CDH12: variants seen among roughly 807,000 people sequenced by gnomAD.
The protein encoded by CDH12 is cadherin-12.
Under a neutral mutation model 74.1 loss-of-function variants are expected in CDH12, and 41 were observed. That is an observed-to-expected ratio of 0.55 (90% CI 0.43 to 0.72). CDH12 has a LOEUF of 0.72. Ranked by LOEUF, CDH12 falls within the 30% of genes least tolerant of loss-of-function variation. The probability of loss-of-function intolerance (pLI) is 0.00; values close to 1 mark genes in which losing one functional copy is unlikely to be tolerated. For missense variants in CDH12, 945 were observed against 977.2 expected (o/e 0.97, Z 0.44); for synonymous variants, 399 against 355.0 (o/e 1.12, Z -1.39).
intron 3 of CDH12, among the ~76,000 whole-genome samples, chr5:22,255,365 A>G (rs1753274787): frequency 6.6e-6 from 1 of 151,784 alleles, no homozygotes; most frequent in Non-Finnish European, 1.5e-5. Flanking sequence ...ACATACAAAT[A>G]CCTATAATTA....
intron 1 of CDH12, among the ~76,000 whole-genome samples, chr5:22,704,324 G>T (rs1308644540): frequency 1.3e-5 from 2 of 152,056 alleles, no homozygotes; most frequent in African/African-American, 2.4e-5. Flanking sequence ...CCACCATAAA[G>T]TCCTTAAAAT....
At chr5:22,023,557 T>C (rs537235927) in intron 5 of CDH12, among the ~76,000 whole-genome samples, 6 of 151,696 alleles carry the variant, frequency 4.0e-5, no homozygotes, top group East Asian at 3.9e-4. Context: ...TATATATATA[T>C]ACACACGAAT....
At chr5:22,178,224 C>A (rs1334982685) in intron 4 of CDH12, among the ~76,000 whole-genome samples, 3 of 152,102 alleles carry the variant, frequency 2.0e-5, no homozygotes, top group African/African-American at 2.4e-5. Context: ...CAGATTAGAT[C>A]TCAAAGTTAA....
intron 3 of CDH12, among the ~76,000 whole-genome samples, chr5:22,272,798 G>A (rs552498671): frequency 8.5e-5 from 13 of 152,210 alleles, no homozygotes; most frequent in Non-Finnish European, 1.3e-4. Context: ...TGCTGTGTTC[G>A]TCTGTTTTTA....
At chr5:21,990,496 A>T (rs1757697860) in intron 5 of CDH12, among the ~76,000 whole-genome samples, 1 of 151,892 alleles carries the variant, frequency 6.6e-6, no homozygotes, top group South Asian at 2.1e-4. Flanking sequence ...AAATTTGGAG[A>T]ATACTGTAGA....
At chr5:22,238,929 G>T (rs1427004523) in intron 3 of CDH12, among the ~76,000 whole-genome samples, 1 of 152,124 alleles carries the variant, frequency 6.6e-6, no homozygotes, top group Non-Finnish European at 1.5e-5. Flanking sequence ...TTTCTTCTCA[G>T]TATAACTACA....
intron 2 of CDH12, among the ~76,000 whole-genome samples, chr5:22,408,628 A>G (rs1006127167): frequency 1.3e-4 from 19 of 150,650 alleles, no homozygotes; most frequent in African/African-American, 3.1e-4. Flanking sequence ...TTACATATAT[A>G]GTACACATGC....
chr5:21,979,808 G>T (rs1201775552), intron 5 of CDH12, among the ~76,000 whole-genome samples: 1 of 149,982 alleles, frequency 6.7e-6, no homozygotes. Flanking sequence ...TTTTTTACAT[G>T]AGTAAAAAAA....
chr5:22,435,083 T>C (rs1744323428), intron 2 of CDH12, among the ~76,000 whole-genome samples: 1 of 152,128 alleles, frequency 6.6e-6, no homozygotes. Flanking sequence ...TGTGAGGGTG[T>C]TGCCAAAGGA....
rs528620996 is a variant in CDH12, at chr5:22,340,689, T to G, written c.-333+64568A>C. Among the ~76,000 whole-genome samples, 77 of 152,356 alleles carry G rather than the reference T, an allele frequency of 5.1e-4. 1 individual carries two copies. In the South Asian group the frequency reaches 9.1e-3, roughly 18 times the overall value. On this transcript the variant is annotated intron_variant, in intron 3 of 14. Transcript: ENST00000382254. ...ATTACAAGCTGTTTTGAGAAGCTGT[T>G]AAATATTCTATAGACAATAATTCTG...
chr5:22,451,301 A>T (rs1745033784), intron 2 of CDH12, among the ~76,000 whole-genome samples: 1 of 151,942 alleles, frequency 6.6e-6, no homozygotes, highest in African/African-American at 2.4e-5. Context: ...TCTAATTAAA[A>T]CAAGCACATT....
intron 2 of CDH12, among the ~76,000 whole-genome samples, chr5:22,492,338 C>T (rs1001073542): frequency 8.3e-6 from 1 of 121,082 alleles, no homozygotes; most frequent in African/African-American, 3.2e-5. Flanking sequence ...CCTACAGTCT[C>T]CTACTAAAAA....
chr5:22,315,916 T>C (rs1454758882), intron 3 of CDH12, among the ~76,000 whole-genome samples: 1 of 152,118 alleles, frequency 6.6e-6, no homozygotes, highest in Non-Finnish European at 1.5e-5. Flanking sequence ...TTTAATTCTT[T>C]TGCAGACTGC....
chr5:22,465,715 T>A (rs1337831654), intron 2 of CDH12, among the ~76,000 whole-genome samples: 1 of 152,130 alleles, frequency 6.6e-6, no homozygotes, highest in Non-Finnish European at 1.5e-5. Flanking sequence ...CTCCCATAAC[T>A]AAATCCTTTA....
At chr5:22,351,488 G>A (rs931465458) in intron 3 of CDH12, among the ~76,000 whole-genome samples, 1 of 152,184 alleles carries the variant, frequency 6.6e-6, no homozygotes, top group South Asian at 2.1e-4. Flanking sequence ...ATTTGGGGAT[G>A]AGAGGAGTTG....
intron 2 of CDH12, among the ~76,000 whole-genome samples, chr5:22,491,610 C>CAAAAA (rs11446320): frequency 8.3e-6 from 1 of 120,926 alleles, no homozygotes; most frequent in Non-Finnish European, 1.7e-5. Flanking sequence ...AGCTAATGAG[C>CAAAAA]AAAAAAAAAA....
Position 21,842,457 on chromosome 5 carries a change from T to A in CDH12, c.647-129A>T, listed in dbSNP as rs535235915. On this transcript the variant is annotated intron_variant, in intron 7 of 14. Transcript: ENST00000382254. ...CAGAGACATAATAGCTAAAATTGTA[T>A]CTTTTAAAAAGTGAGACATTCAAAA... The A allele has an allele frequency of 1.8e-5, 11 of 614,140 alleles. No individual in the cohort carries two copies. In the East Asian group the frequency reaches 3.3e-4, roughly 19 times the overall value. 38.0% of individuals were successfully genotyped at this position (614,140 alleles called of 1,614,324 possible). A position where few individuals can be genotyped will look rare whatever the true frequency, so the allele number is the denominator to read the frequency against.
chr5:21,797,616 A>G (rs75657375), intron 10 of CDH12, among the ~76,000 whole-genome samples: 4,554 of 152,202 alleles, frequency 0.03, 169 homozygotes, highest in East Asian at 0.15. Context: ...AAGACTTGGT[A>G]TACTACTTTA....
Position 22,129,172 on chromosome 5 carries a change from A to G in CDH12, c.-186-50310T>C, listed in dbSNP as rs150966435. Among the ~76,000 whole-genome samples the G allele has an allele frequency of 3.0e-3, 461 of 152,342 alleles. 2 individuals carry two copies. Among genetic ancestry groups the G allele is most frequent in the Non-Finnish European group, 4.9e-3 (332 of 68,032 alleles). ...TAGGATAATAAAGGTAGTGTATTAA[A>G]GTGAGAAGGGTTAGGATTTCTTAGG... On this transcript the variant is annotated intron_variant, in intron 4 of 14. Coordinates refer to ENST00000382254, the MANE Select transcript of CDH12 (RefSeq NM_004061.5).
Sources: allele counts gnomAD v4.1 joint callset (sites outside exome capture counted in the v4.1 genomes callset), GRCh38; gene constraint gnomAD v4.1.1; transcripts MANE v1.5; gene names NCBI Gene and HGNC (gene_info 2026-07-23, HGNC 2026-07-21).